SLC14A2: variants seen among roughly 807,000 people sequenced by gnomAD.
The protein encoded by SLC14A2 is solute carrier family 14 member 2.
SLC14A2 carries 91 observed loss-of-function variants against 104.6 expected under a neutral mutation model. The ratio of observed to expected loss-of-function variants is 0.87; its 90% CI spans 0.73 to 1.04. The LOEUF is 1.04. Ranked by LOEUF, SLC14A2 falls within the 50% of genes least tolerant of loss-of-function variation. The pLI, the probability that SLC14A2 is intolerant of heterozygous loss-of-function variation, is 0.00. For synonymous variants in SLC14A2, 476 were observed against 466.4 expected, an observed-to-expected ratio of 1.02 and a Z score of -0.27; for missense variants, 1,189 against 1,156.0, an observed-to-expected ratio of 1.03 and a Z score of -0.41.
chr18:45,264,439 T>C (rs1172025470), intron 1 of SLC14A2, among the ~76,000 whole-genome samples: 1 of 152,212 alleles, frequency 6.6e-6, no homozygotes, highest in African/African-American at 2.4e-5. Context: ...TATCACAGTA[T>C]TTTTACGTAG....
At chr18:45,631,407 CAAGGACAGT>C (rs2045343984) in intron 4 of SLC14A2, among the ~76,000 whole-genome samples, 1 of 152,336 alleles carries the variant, frequency 6.6e-6, no homozygotes, top group African/African-American at 2.4e-5. Context: ...TTAGAAAGGT[CAAGGACAGT>C]GTTTATTACG....
chr18:45,271,292 G>T (rs2084648386), intron 1 of SLC14A2, among the ~76,000 whole-genome samples: 1 of 152,166 alleles, frequency 6.6e-6, no homozygotes, highest in Non-Finnish European at 1.5e-5. Flanking sequence ...TCCAGTTTTA[G>T]TTCTTTCTAG....
intron 2 of SLC14A2, chr18:45,527,754 C>A (rs916643780): frequency 1.3e-5 from 2 of 152,118 alleles, no homozygotes; most frequent in Admixed American, 6.5e-5. Context: ...GGATTAAATG[C>A]AATGATATAT....
intron 2 of SLC14A2, among the ~76,000 whole-genome samples, chr18:45,580,937 G>A (rs912241540): frequency 5.9e-5 from 9 of 151,776 alleles, no homozygotes; most frequent in Non-Finnish European, 7.3e-5. Context: ...GAAATACTCA[G>A]GCAAAACCAG....
At chr18:45,367,510 C>A (rs2085678201) in intron 1 of SLC14A2, among the ~76,000 whole-genome samples, 1 of 152,194 alleles carries the variant, frequency 6.6e-6, no homozygotes, top group African/African-American at 2.4e-5. Flanking sequence ...AATCAGTGAG[C>A]AAGCAGACTG....
At chr18:45,407,762 G>C (rs2144480584) in intron 1 of SLC14A2, among the ~76,000 whole-genome samples, 1 of 152,280 alleles carries the variant, frequency 6.6e-6, no homozygotes, top group East Asian at 1.9e-4. Context: ...AGGAGAGAGA[G>C]AGGTGAGGAA....
At chr18:45,638,109 A>G (rs886186925) in intron 6 of SLC14A2, among the ~76,000 whole-genome samples, 1 of 151,958 alleles carries the variant, frequency 6.6e-6, no homozygotes, top group African/African-American at 2.4e-5. Flanking sequence ...GTGGACGTGA[A>G]CTCCCCTCAG....
chr18:45,543,174 C>G (rs1242488616), intron 2 of SLC14A2, among the ~76,000 whole-genome samples: 1 of 152,014 alleles, frequency 6.6e-6, no homozygotes, highest in Non-Finnish European at 1.5e-5. Flanking sequence ...GTTTCAAACT[C>G]CTGACCTCAA....
At chr18:45,483,382 AT>A (rs2087534040) in intron 2 of SLC14A2, 1 of 152,168 alleles carries the variant, frequency 6.6e-6, no homozygotes, top group East Asian at 1.9e-4. Context: ...GCTATCACCA[AT>A]AATTAAACCA....
Position 45,500,754 on chromosome 18 carries a change from G to A in SLC14A2, c.-35+17432G>A, listed in dbSNP as rs193159156. ...CCCAGCCAAGACTCAGAATATAAAG[G>A]TCAGGGGCAAATGCAAACAGACCAG... On this transcript the variant is annotated intron_variant, in intron 2 of 20. Transcript: ENST00000586448. Among the ~76,000 whole-genome samples the A allele has an allele frequency of 2.9e-3, 440 of 152,232 alleles. 5 individuals are homozygous for A. The highest frequency in any genetic ancestry group is 0.01 in the African/African-American group (425 of 41,526).
chr18:45,335,650 T>C lies in SLC14A2; in HGVS notation c.-125+122459T>C, dbSNP rs371942014. On this transcript the variant is annotated intron_variant, in intron 1 of 20. Coordinates refer to the SLC14A2 transcript ENST00000586448. ...ACATGGAAATACAGAATATACCCTA[T>C]AGAAATTTCCAAAATAGCTAGAATT... Among the ~76,000 whole-genome samples the C allele has an allele frequency of 3.0e-4, 45 of 152,332 alleles. No homozygotes were observed. The East Asian group carries it at 6.8e-3, about 23-fold the overall frequency.
At chr18:45,611,814 A>G (rs2044976624), upstream of SLC14A2, among the ~76,000 whole-genome samples, 1 of 152,210 alleles carries the variant, frequency 6.6e-6, no homozygotes, top group Admixed American at 6.5e-5. Context: ...AACAAGAAGA[A>G]GAGCACCATC....
In SLC14A2 at chr18:45,666,917, T is replaced by C; in HGVS notation, c.1558-18T>C. ...CCACCGAATGTGGGAGACTCTTGCC[T>C]ATCTCTGTCCTGGACAGGATCTGGA... On this transcript the variant is annotated intron_variant, in intron 12 of 19. Coordinates refer to ENST00000255226, the MANE Select transcript of SLC14A2 (RefSeq NM_007163.4). 1.2e-6 allele frequency: 2 copies of C among 1,610,846 alleles called. No individual in the cohort carries two copies. The highest frequency in any genetic ancestry group is 1.7e-6 in the Non-Finnish European group (2 of 1,177,578).
chr18:45,379,547 C>T (rs546025414), intron 1 of SLC14A2, among the ~76,000 whole-genome samples: 2 of 152,180 alleles, frequency 1.3e-5, no homozygotes, highest in Non-Finnish European at 2.9e-5. Context: ...ACTCCACATA[C>T]CCATGATCCT....
chr18:45,257,731 C>A (rs2084494400), intron 1 of SLC14A2, among the ~76,000 whole-genome samples: 4 of 152,266 alleles, frequency 2.6e-5, no homozygotes, highest in East Asian at 1.9e-4. Context: ...GGTATAAAAT[C>A]ACTGGTGTTA....
At chr18:45,284,337 G>A (rs926150569) in intron 1 of SLC14A2, among the ~76,000 whole-genome samples, 1 of 152,154 alleles carries the variant, frequency 6.6e-6, no homozygotes, top group African/African-American at 2.4e-5. Context: ...TTTTGACTTG[G>A]TTTGGCCAAT....
chr18:45,663,997 G>T (rs2045973475), intron 11 of SLC14A2, 90 bp downstream of exon 11: 5 of 1,370,230 alleles, frequency 3.6e-6, no homozygotes, highest in Admixed American at 2.4e-5. Flanking sequence ...TCACAGGGTG[G>T]TGGGGAGACC....
intron 1 of SLC14A2, among the ~76,000 whole-genome samples, chr18:45,276,167 C>T (rs2084700262): frequency 2.0e-5 from 3 of 152,152 alleles, no homozygotes; most frequent in African/African-American, 7.2e-5. Context: ...CTGTGGGGTA[C>T]CTGGGGCAGA....
chr18:45,627,274 A>G, intron 4 of SLC14A2, 127 bp downstream of exon 4: 1 of 758,508 alleles, frequency 1.3e-6, no homozygotes, highest in East Asian at 2.6e-5. Context: ...AACTTTAAGC[A>G]GGTCACTGAC....
Sources: gnomAD v4.1 joint callset for allele counts (sites outside exome capture counted in the v4.1 genomes callset) on GRCh38, gnomAD v4.1.1 for gene constraint, MANE v1.5 for transcripts, NCBI Gene and HGNC (gene_info 2026-07-23, HGNC 2026-07-21) for gene names.